Variants in MUSK observed in about 807,000 individuals in gnomAD.
MUSK encodes muscle, skeletal receptor tyrosine-protein kinase.
In MUSK, 55 loss-of-function variants were observed where a neutral mutation model predicts 88.7. That is an observed-to-expected ratio of 0.62 (90% CI 0.50 to 0.78). The LOEUF (loss-of-function observed/expected upper bound fraction) is 0.78. Among genes scored for constraint, MUSK ranks in the 30% least tolerant of loss-of-function variants. MUSK has a pLI of 0.00. For synonymous variants in MUSK, 387 were observed against 391.9 expected, an observed-to-expected ratio of 0.99 and a Z score of 0.15; for missense variants, 1,015 against 1,074.3, an observed-to-expected ratio of 0.94 and a Z score of 0.77.
intron 5 of MUSK, among the ~76,000 whole-genome samples, chr9:110,701,153 G>C (rs973928069): frequency 6.6e-6 from 1 of 152,116 alleles, no homozygotes; most frequent in African/African-American, 2.4e-5. Flanking sequence ...GCTGTGGAAT[G>C]GGAGAGATGA....
intron 7 of MUSK, among the ~76,000 whole-genome samples, chr9:110,748,436 G>A (rs910138176): frequency 6.6e-6 from 1 of 152,104 alleles, no homozygotes; most frequent in Non-Finnish European, 1.5e-5. Flanking sequence ...AGGTCTTACA[G>A]GTGTTTTCAA....
At chr9:110,687,045 T>C (rs1041074793) in intron 2 of MUSK, 72 bp from the exon 3 acceptor site, 34 of 1,499,326 alleles carry the variant, frequency 2.3e-5, no homozygotes, top group Non-Finnish European at 2.9e-5. Flanking sequence ...AAGTCATCGG[T>C]TTGATACATT....
At chr9:110,790,956 T>C (rs1056570963) in intron 14 of MUSK, among the ~76,000 whole-genome samples, 14 of 152,128 alleles carry the variant, frequency 9.2e-5, no homozygotes, top group Non-Finnish European at 4.4e-5. Flanking sequence ...TGAAGTCAAA[T>C]TGAGGCAAAT....
At chr9:110,743,420 T>A (rs1303877397) in intron 6 of MUSK, among the ~76,000 whole-genome samples, 1 of 152,218 alleles carries the variant, frequency 6.6e-6, no homozygotes, top group Non-Finnish European at 1.5e-5. Flanking sequence ...AGAGCAGAGC[T>A]TACTTTTTAA....
chr9:110,750,022 A>C (rs1252500075), intron 7 of MUSK, among the ~76,000 whole-genome samples: 1 of 151,876 alleles, frequency 6.6e-6, no homozygotes, highest in Non-Finnish European at 1.5e-5. Flanking sequence ...ATTTATAAAA[A>C]TCTATCAATA....
At chr9:110,706,709 C>T (rs1034737383) in intron 5 of MUSK, among the ~76,000 whole-genome samples, 16 of 152,068 alleles carry the variant, frequency 1.1e-4, no homozygotes, top group South Asian at 2.1e-4. Context: ...CCCTTTAAAA[C>T]GCTAGACCAG....
intron 11 of MUSK, among the ~76,000 whole-genome samples, chr9:110,779,800 ATTC>A (rs749662066): frequency 7.9e-5 from 12 of 152,130 alleles, no homozygotes; most frequent in Admixed American, 1.3e-4. Context: ...TTTTTATTAC[ATTC>A]TTCTAGCATT....
At chr9:110,788,568 G>T (rs1435133109) in intron 14 of MUSK, among the ~76,000 whole-genome samples, 1 of 151,556 alleles carries the variant, frequency 6.6e-6, no homozygotes, top group Admixed American at 6.6e-5. Flanking sequence ...GGGGGCAGAG[G>T]TTGCAGTAAG....
rs370391630 is a variant in MUSK at position 110,776,696 on chromosome 9, G to A, written c.1384+41G>A. On this transcript the variant is annotated intron_variant, in intron 11 of 14. Transcript: ENST00000374448. The stretch of plus-strand genomic sequence containing the variant: ...TGTGCCCTTGAAACCTTATGTGTAT[G>A]TAATTGGATTCATGCATGTGTGTTT... 2.0e-5 allele frequency: 30 copies of A among 1,517,364 alleles called. No individual in the cohort carries two copies. In the African/African-American group the frequency reaches 3.7e-4, roughly 19 times the overall value. 94.0% of individuals were successfully genotyped at this position (1,517,364 alleles called of 1,614,324 possible). A position where few individuals can be genotyped will look rare whatever the true frequency, so the allele number is the denominator to read the frequency against.
chr9:110,776,098 A>G (rs1252413766), intron 10 of MUSK, 135 bp downstream of exon 10: 2 of 814,822 alleles, frequency 2.5e-6, no homozygotes, highest in African/African-American at 1.7e-5. Flanking sequence ...CCTTCCTTAG[A>G]TACCTACTAG....
chr9:110,711,348 A>T (rs1359694391), intron 5 of MUSK, among the ~76,000 whole-genome samples: 2 of 152,174 alleles, frequency 1.3e-5, no homozygotes, highest in Admixed American at 6.5e-5. Flanking sequence ...CCTGCACATG[A>T]TCTGTCCCTT....
chr9:110,673,155 A>G (rs1319894209), intron 1 of MUSK, among the ~76,000 whole-genome samples: 1 of 152,220 alleles, frequency 6.6e-6, no homozygotes, highest in East Asian at 1.9e-4. Flanking sequence ...GGAAATATGG[A>G]CAATGTGGAC....
rs982946055 is a variant in MUSK at position 110,802,913 on chromosome 9, A to G, written c.*1925A>G. Among the ~76,000 whole-genome samples, 1 of 152,250 alleles carries G rather than the reference A, an allele frequency of 6.6e-6. No homozygotes were observed. The highest frequency in any genetic ancestry group is 1.5e-5 in the Non-Finnish European group (1 of 68,042). ...TCATGAGTCTAAGTCCAAAATTGAT[A>G]CTGTAATCCAAATGACTGAATAAAG... is the stretch of plus-strand genomic sequence containing the variant. On this transcript the variant is annotated 3_prime_UTR_variant, in exon 15 of 15. Transcript: ENST00000374448.
In MUSK at chr9:110,804,858, G is replaced by A. The variant is rs1293061006; in HGVS notation, c.*3870G>A. 1.3e-5 allele frequency among the ~76,000 whole-genome samples: 2 copies of A among 151,834 alleles called. No homozygotes were observed. The highest frequency in any genetic ancestry group is 2.9e-5 in the Non-Finnish European group (2 of 67,806). On this transcript the variant is annotated 3_prime_UTR_variant, in exon 15 of 15. Transcript: ENST00000374448. Reference sequence around the variant, plus strand: ...CTTCCAGGCTTTTTCAGATAGACAGGTAGGTAAGTAGGTTGGTAGGTAAAT... The same window carrying A: ...CTTCCAGGCTTTTTCAGATAGACAGATAGGTAAGTAGGTTGGTAGGTAAAT...
At chr9:110,685,632 T>C (rs1249055715) in intron 2 of MUSK, among the ~76,000 whole-genome samples, 1 of 152,150 alleles carries the variant, frequency 6.6e-6, no homozygotes, top group Non-Finnish European at 1.5e-5. Context: ...CCTTTCTTCT[T>C]TTCCCAGTAG....
intron 7 of MUSK, among the ~76,000 whole-genome samples, chr9:110,754,199 T>G (rs1328656222): frequency 2.0e-5 from 3 of 152,338 alleles, no homozygotes; most frequent in African/African-American, 7.2e-5. Context: ...GTAGCCACAT[T>G]AAATTGCTAC....
At chr9:110,732,524 CTCTT>C (rs1564252029) in intron 5 of MUSK, among the ~76,000 whole-genome samples, 1 of 151,996 alleles carries the variant, frequency 6.6e-6, no homozygotes, top group African/African-American at 2.4e-5. Flanking sequence ...TAATGGATCA[CTCTT>C]TCTTTTTTAC....
At chr9:110,694,621 C>T (rs1177556898) in intron 3 of MUSK, among the ~76,000 whole-genome samples, 2 of 152,016 alleles carry the variant, frequency 1.3e-5, no homozygotes, top group Non-Finnish European at 2.9e-5. Flanking sequence ...TGCGAAGTCC[C>T]CCTCTGTATC....
rs542691303 is a variant in MUSK, at chr9:110,801,042, A to G, written c.*54A>G. 8.6e-5 allele frequency: 123 copies of G among 1,428,480 alleles called. No individual in the cohort carries two copies. The African/African-American group carries it at 1.6e-3, about 18-fold the overall frequency. The allele number at this position is 1,428,480 out of a possible 1,614,324, so 88.5% of individuals were successfully genotyped here. A position where few individuals can be genotyped will look rare whatever the true frequency, so the allele number is the denominator to read the frequency against. ...AGTTTCCTCTCAGACTCTGTGAGCC[A>G]GGGGAATCCTACACCAGAGGCCCAA... On this transcript the variant is annotated 3_prime_UTR_variant, in exon 15 of 15. Transcript: ENST00000374448.
Sources: allele counts gnomAD v4.1 joint callset (sites outside exome capture counted in the v4.1 genomes callset), GRCh38; gene constraint gnomAD v4.1.1; transcripts MANE v1.5; gene names NCBI Gene and HGNC (gene_info 2026-07-23, HGNC 2026-07-21).